PPA2: variants seen among roughly 807,000 people sequenced by gnomAD.
PPA2 encodes the protein inorganic pyrophosphatase 2.
Under a neutral mutation model 49.5 loss-of-function variants are expected in PPA2, and 48 were observed. The observed-to-expected ratio is 0.97, with a 90% confidence interval of 0.77 to 1.23. The LOEUF (loss-of-function observed/expected upper bound fraction) is 1.23. Ranked by LOEUF, PPA2 falls within the 50% of genes most tolerant of loss-of-function variation. The pLI, the probability that PPA2 is intolerant of heterozygous loss-of-function variation, is 0.00. For synonymous variants in PPA2, 131 were observed against 139.9 expected (o/e 0.94, Z 0.45); for missense variants, 429 against 410.1 (o/e 1.05, Z -0.40).
chr4:105,428,779 T>C (rs1469701914), intron 6 of PPA2, among the ~76,000 whole-genome samples: 2 of 151,888 alleles, frequency 1.3e-5, no homozygotes, highest in East Asian at 3.9e-4. Context: ...GTAACAAAAC[T>C]GCACGTTTTG....
intron 6 of PPA2, among the ~76,000 whole-genome samples, chr4:105,426,429 C>A (rs1210172402): frequency 1.3e-5 from 2 of 152,202 alleles, no homozygotes; most frequent in Non-Finnish European, 2.9e-5. Context: ...CCTTTTCTAG[C>A]CAAGGGAAGC....
chr4:105,470,481 T>C (rs1423341459), intron 1 of PPA2, among the ~76,000 whole-genome samples: 2 of 151,862 alleles, frequency 1.3e-5, no homozygotes, highest in African/African-American at 4.8e-5. Flanking sequence ...TGAGACCCCA[T>C]CTCTAAACAA....
At chr4:105,457,887 A>G (rs1722933630) in intron 1 of PPA2, among the ~76,000 whole-genome samples, 1 of 152,180 alleles carries the variant, frequency 6.6e-6, no homozygotes, top group Non-Finnish European at 1.5e-5. Context: ...TCAAAATGCC[A>G]TTCTCCAATA....
intron 5 of PPA2, among the ~76,000 whole-genome samples, chr4:105,442,866 C>T (rs1027512918): frequency 4.8e-4 from 73 of 152,212 alleles, no homozygotes; most frequent in African/African-American, 1.6e-3. Context: ...TGTTACAAGA[C>T]GAATCATAGA....
chr4:105,466,446 G>A (rs892994538), intron 1 of PPA2, among the ~76,000 whole-genome samples: 16 of 151,956 alleles, frequency 1.1e-4, no homozygotes, highest in Admixed American at 4.6e-4. Flanking sequence ...TAAAGATAAA[G>A]GAAAACAAAT....
chr4:105,370,514 T>C (rs1210416136), intron 11 of PPA2: 2 of 757,668 alleles, frequency 2.6e-6, no homozygotes, highest in Non-Finnish European at 3.2e-6. Context: ...AATATCTAAA[T>C]GTAAGAGTTT....
intron 10 of PPA2, among the ~76,000 whole-genome samples, chr4:105,373,712 C>T (rs957308280): frequency 1.3e-5 from 2 of 151,364 alleles, no homozygotes; most frequent in African/African-American, 4.9e-5. Context: ...AAATACATTT[C>T]TCAATTGATA....
intron 1 of PPA2, among the ~76,000 whole-genome samples, chr4:105,463,520 A>G (rs1053359835): frequency 6.6e-6 from 1 of 152,272 alleles, no homozygotes; most frequent in African/African-American, 2.4e-5. Context: ...AGAAATTTGC[A>G]TAAGTAACAA....
chr4:105,423,701 C>T (rs888772326), intron 7 of PPA2, among the ~76,000 whole-genome samples: 4 of 152,138 alleles, frequency 2.6e-5, no homozygotes, highest in Admixed American at 6.5e-5. Context: ...ATCAAAATTT[C>T]GTTAGAGGGC....
chr4:105,447,547 G>T (rs908090080), intron 4 of PPA2, among the ~76,000 whole-genome samples: 12 of 151,978 alleles, frequency 7.9e-5, no homozygotes, highest in African/African-American at 2.9e-4. Flanking sequence ...ACAAAAAATG[G>T]TAAGTATTTG....
intron 10 of PPA2, among the ~76,000 whole-genome samples, chr4:105,371,216 T>C (rs2110356370): frequency 6.6e-6 from 1 of 152,230 alleles, no homozygotes; most frequent in Non-Finnish European, 1.5e-5. Flanking sequence ...CACACACACA[T>C]ATTTAAATAT....
chr4:105,425,752 AC>A (rs1723473710), intron 6 of PPA2, among the ~76,000 whole-genome samples: 1 of 151,524 alleles, frequency 6.6e-6, no homozygotes, highest in South Asian at 2.1e-4. Flanking sequence ...ACACACACAC[AC>A]ACACACACAC....
chr4:105,444,750 C>G (rs559485750), intron 5 of PPA2, among the ~76,000 whole-genome samples: 1 of 152,018 alleles, frequency 6.6e-6, no homozygotes, highest in Admixed American at 6.6e-5. Context: ...GCCTATTATA[C>G]CACATCATAA....
chr4:105,426,216 C>T (rs1578849172), intron 6 of PPA2, among the ~76,000 whole-genome samples: 1 of 152,220 alleles, frequency 6.6e-6, no homozygotes, highest in Non-Finnish European at 1.5e-5. Flanking sequence ...GAGGTTGCCT[C>T]CAAGATGGCC....
chr4:105,433,458 G>A (rs577425766), intron 6 of PPA2, among the ~76,000 whole-genome samples: 20 of 152,292 alleles, frequency 1.3e-4, no homozygotes, highest in Admixed American at 6.5e-4. Flanking sequence ...CGATGGCTCT[G>A]GAGATGGAAA....
intron 9 of PPA2, among the ~76,000 whole-genome samples, chr4:105,393,162 G>C (rs74285088): frequency 1.3e-5 from 2 of 152,040 alleles, no homozygotes; most frequent in Non-Finnish European, 2.9e-5. Flanking sequence ...AATCTTGGAC[G>C]GCCTTGTTTG....
chr4:105,473,772 AC>A, intron 1 of PPA2, 121 bp downstream of exon 1: 1 of 1,404,408 alleles, frequency 7.1e-7, no homozygotes, highest in Middle Eastern at 1.8e-4. Context: ...CCGCGCGGCT[AC>A]CGCTGAGGGC....
At chr4:105,403,898 C>G (rs1722336624) in intron 7 of PPA2, among the ~76,000 whole-genome samples, 1 of 150,748 alleles carries the variant, frequency 6.6e-6, no homozygotes, top group East Asian at 1.9e-4. Flanking sequence ...AAAATTCTTT[C>G]TACTCTTTTT....
intron 9 of PPA2, among the ~76,000 whole-genome samples, chr4:105,395,896 GATGA>G (rs1399946071): frequency 6.6e-6 from 1 of 152,138 alleles, no homozygotes; most frequent in Non-Finnish European, 1.5e-5. Context: ...TAGTGATCAT[GATGA>G]ATAAGGAGGC....
Sources: gnomAD v4.1 joint callset for allele counts (sites outside exome capture counted in the v4.1 genomes callset) on GRCh38, gnomAD v4.1.1 for gene constraint, MANE v1.5 for transcripts, NCBI Gene and HGNC (gene_info 2026-07-23, HGNC 2026-07-21) for gene names.